CD99L2: variants seen among roughly 807,000 people sequenced by gnomAD.
CD99L2 encodes the protein CD99 molecule like 2.
CD99L2 carries 24 observed loss-of-function variants against 27.3 expected under a neutral mutation model. The ratio of observed to expected loss-of-function variants is 0.88; its 90% CI spans 0.64 to 1.24. The LOEUF (loss-of-function observed/expected upper bound fraction) is 1.24. CD99L2 is among the 50% of genes most tolerant of loss of function. CD99L2 has a pLI of 0.00. For synonymous variants in CD99L2, 97 were observed against 87.9 expected (o/e 1.10, Z -0.58); for missense variants, 255 against 221.6 (o/e 1.15, Z -0.96).
In CD99L2 at chrX:150,818,778, C is replaced by T. The variant is rs1557420607; in HGVS notation, c.131-2700G>A. On this transcript the variant is annotated intron_variant, in intron 2 of 10. Transcript: ENST00000370377. ...GTCCAGTCCACTGTGTTCTTTGACA[C>T]CGTCGCTGTCTAAGGTGAGTCCTTG... 1.4e-4 allele frequency: 40 copies of T among 293,031 alleles called. 1 individual carries two copies. Among genetic ancestry groups the T allele is most frequent in the Non-Finnish European group, 2.0e-5 (3 of 148,533 alleles). 24.1% of individuals were successfully genotyped at this position (293,031 alleles called of 1,213,427 possible).
At chrX:150,789,181 G>T in intron 7 of CD99L2, among the ~76,000 whole-genome samples, 2 of 102,482 alleles carry the variant, frequency 2.0e-5, no homozygotes, top group African/African-American at 3.6e-5. Context: ...GGAGTGCAGT[G>T]GTGTGATCTC....
chrX:150,869,134 G>A (rs528514052), intron 1 of CD99L2, among the ~76,000 whole-genome samples: 1 of 111,870 alleles, frequency 8.9e-6, no homozygotes, highest in Admixed American at 9.5e-5. Context: ...TCACTAGTAG[G>A]AATGTCTAGG....
At chrX:150,791,549 G>A (rs1193596156) in intron 7 of CD99L2, among the ~76,000 whole-genome samples, 2 of 111,772 alleles carry the variant, frequency 1.8e-5, no homozygotes, top group Non-Finnish European at 3.8e-5. Flanking sequence ...AGAGGGCTGT[G>A]ACCATCAGGA....
In CD99L2 at chrX:150,794,456, G is replaced by C. The variant is rs782044427; in HGVS notation, c.431-700C>G. On this transcript the variant is annotated intron_variant, in intron 6 of 10. Transcript: ENST00000370377. ...AATAAATGGGTGTTGCCTTAACTCA[G>C]AGTTTCTGATTTTTGTTATGCAGCA... Among the ~76,000 whole-genome samples the C allele has an allele frequency of 3.7e-4, 42 of 112,182 alleles. 1 individual carries two copies. The South Asian group carries it at 0.014, about 38-fold the overall frequency.
chrX:150,879,953 C>T (rs1183975124), intron 1 of CD99L2, among the ~76,000 whole-genome samples: 13 of 102,535 alleles, frequency 1.3e-4, no homozygotes, highest in African/African-American at 4.7e-4. Flanking sequence ...AAAAAAGACA[C>T]CCAACTTCAT....
At chrX:150,781,759 T>C (rs1489425105) in intron 7 of CD99L2, among the ~76,000 whole-genome samples, 3 of 111,970 alleles carry the variant, frequency 2.7e-5, no homozygotes, top group Admixed American at 9.5e-5. Context: ...ACCACTGCCA[T>C]AGCAGGTCTC....
At chrX:150,876,330 A>G (rs1214357439) in intron 1 of CD99L2, among the ~76,000 whole-genome samples, 1 of 112,264 alleles carries the variant, frequency 8.9e-6, no homozygotes, top group Admixed American at 9.4e-5. Context: ...TTCTTCTAAT[A>G]GGTGATTTGC....
chrX:150,848,284 A>C (rs1041399115), intron 1 of CD99L2, among the ~76,000 whole-genome samples: 1 of 111,594 alleles, frequency 9.0e-6, no homozygotes, highest in African/African-American at 3.3e-5. Flanking sequence ...TAAGTGTAAT[A>C]AGTCAATCAC....
At chrX:150,805,014 T>C (rs1490511451) in intron 4 of CD99L2, among the ~76,000 whole-genome samples, 1 of 111,745 alleles carries the variant, frequency 8.9e-6, no homozygotes, top group Non-Finnish European at 1.9e-5. Context: ...GGTGAGACCC[T>C]GTCTCTATTA....
At chrX:150,886,399 CTA>C (rs782494085) in intron 1 of CD99L2, among the ~76,000 whole-genome samples, 5 of 112,296 alleles carry the variant, frequency 4.5e-5, no homozygotes, top group Admixed American at 3.8e-4. Flanking sequence ...ATTACCTTTT[CTA>C]TGTTTAGATG....
chrX:150,806,808 T>C (rs2046001954), intron 4 of CD99L2, among the ~76,000 whole-genome samples: 1 of 110,695 alleles, frequency 9.0e-6, no homozygotes, highest in South Asian at 3.9e-4. Flanking sequence ...GGAGAATCGC[T>C]TGAACCCTGG....
intron 6 of CD99L2, among the ~76,000 whole-genome samples, chrX:150,794,633 G>C (rs991491470): frequency 8.9e-6 from 1 of 112,208 alleles, no homozygotes; most frequent in Non-Finnish European, 1.9e-5. Flanking sequence ...AACCGCTTTT[G>C]TTGGGGCCAA....
intron 9 of CD99L2, among the ~76,000 whole-genome samples, chrX:150,771,128 G>T (rs1468292985): frequency 8.9e-6 from 1 of 111,892 alleles, no homozygotes; most frequent in East Asian, 2.8e-4. Flanking sequence ...CGTAGCACAG[G>T]GACTGGAACC....
At chrX:150,819,126 G>A (rs2046208848) in intron 2 of CD99L2, 1 of 343,232 alleles carries the variant, frequency 2.9e-6, no homozygotes, top group Non-Finnish European at 5.6e-6. Flanking sequence ...TGAATGGCAG[G>A]TATGTGGTCT....
Position 150,767,118 on chromosome X carries a change from C to CA in CD99L2, c.*1915_*1916insT, listed in dbSNP as rs1377964756. ...ACGCTGTCCAGGTGGCGACAGGCCA[C>CA]GCATGCCAAAATCCTCCATAGCCAC... On this transcript the variant is annotated 3_prime_UTR_variant, in exon 11 of 11. Transcript: ENST00000370377. The CA allele has an allele frequency of 8.9e-6, 1 of 111,880 alleles. No homozygotes were observed. The highest frequency in any genetic ancestry group is 3.3e-5 in the African/African-American group (1 of 30,737). 9.2% of individuals were successfully genotyped at this position (111,880 alleles called of 1,213,427 possible).
intron 2 of CD99L2, among the ~76,000 whole-genome samples, chrX:150,819,405 G>T (rs1557420621): frequency 9.0e-6 from 1 of 111,602 alleles, no homozygotes; most frequent in Non-Finnish European, 1.9e-5. Flanking sequence ...TGTCTAGCTG[G>T]ATTGCAGAGT....
intron 1 of CD99L2, among the ~76,000 whole-genome samples, chrX:150,843,617 C>CTCCA: frequency 9.1e-6 from 1 of 109,806 alleles, no homozygotes; most frequent in Middle Eastern, 4.6e-3. Flanking sequence ...TGCCACTGCA[C>CTCCA]TCCAGCCTGG....
chrX:150,798,271 T>C (rs868944112), intron 4 of CD99L2, among the ~76,000 whole-genome samples: 1 of 9,197 alleles, frequency 1.1e-4, no homozygotes, highest in Non-Finnish European at 1.8e-4. Flanking sequence ...GGAGGGAGGG[T>C]GGGAGAACAA....
intron 1 of CD99L2, among the ~76,000 whole-genome samples, chrX:150,862,582 G>A (rs1557421931): frequency 1.8e-5 from 2 of 112,201 alleles, no homozygotes; most frequent in Admixed American, 1.9e-4. Context: ...GAATGCAAGC[G>A]AATATATGGG....
Sources: gnomAD v4.1 joint callset for allele counts (sites outside exome capture counted in the v4.1 genomes callset) on GRCh38, gnomAD v4.1.1 for gene constraint, MANE v1.5 for transcripts, NCBI Gene and HGNC (gene_info 2026-07-23, HGNC 2026-07-21) for gene names.